VWC2L: variants seen among roughly 807,000 people sequenced by gnomAD.
VWC2L encodes the protein von Willebrand factor C domain-containing protein 2-like.
In VWC2L, 10 loss-of-function variants were observed where a neutral mutation model predicts 21.6. The observed-to-expected ratio is 0.46, with a 90% CI of 0.29 to 0.78. The LOEUF is 0.78. VWC2L is among the 30% of genes least tolerant of loss of function. The pLI, the probability that VWC2L is intolerant of heterozygous loss-of-function variation, is 0.10. For missense variants in VWC2L, 209 were observed against 277.1 expected, an observed-to-expected ratio of 0.75 and a Z score of 1.74; for synonymous variants, 96 against 94.3, an observed-to-expected ratio of 1.02 and a Z score of -0.10.
intron 3 of VWC2L, among the ~76,000 whole-genome samples, chr2:214,443,338 C>A (rs1702789787): frequency 1.3e-5 from 2 of 151,894 alleles, no homozygotes; most frequent in Admixed American, 1.3e-4. Flanking sequence ...CGCCCTTGCA[C>A]TACAGCCTGA....
chr2:214,458,136 G>A (rs190828408), intron 3 of VWC2L, among the ~76,000 whole-genome samples: 7 of 152,114 alleles, frequency 4.6e-5, no homozygotes, highest in African/African-American at 1.4e-4. Context: ...CTCATCATTG[G>A]TCTATTCAGG....
intron 3 of VWC2L, among the ~76,000 whole-genome samples, chr2:214,470,117 T>TATGA (rs72091245): frequency 0.057 from 8,703 of 152,164 alleles, 776 homozygotes; most frequent in African/African-American, 0.2. Context: ...TAGACACAGG[T>TATGA]ATGAACCCAT....
intron 3 of VWC2L, among the ~76,000 whole-genome samples, chr2:214,511,821 A>G (rs1453792838): frequency 7.9e-6 from 1 of 126,588 alleles, no homozygotes; most frequent in Non-Finnish European, 1.9e-5. Flanking sequence ...TAGTTACACA[A>G]CACACTATAT....
At position 214,576,819 on chromosome 2, in the gene VWC2L, T is replaced by C. The variant is rs1190424118; in HGVS notation, c.*999T>C. 3 of 151,774 alleles carry C rather than the reference T, an allele frequency of 2.0e-5. No individual in the cohort carries two copies. The highest frequency in any genetic ancestry group is 4.4e-5 in the Non-Finnish European group (3 of 68,032). The allele number at this position is 151,774 out of a possible 1,614,324, so 9.4% of individuals were successfully genotyped here. A position where few individuals can be genotyped will look rare whatever the true frequency, so the allele number is the denominator to read the frequency against. ...TGGCAGTTTTTGTGGTTCGGGACTG[T>C]GTTTGCCATGTTGTAGTAACAACCA... On this transcript the variant is annotated 3_prime_UTR_variant, in exon 4 of 4. Transcript: ENST00000312504.
At position 214,577,673 on chromosome 2, in the gene VWC2L, T is replaced by A. The variant is rs528218405; in HGVS notation, c.*1853T>A. 1.3e-5 allele frequency: 2 copies of A among 152,292 alleles called. No homozygotes were observed. The highest frequency in any genetic ancestry group is 4.1e-4 in the South Asian group (2 of 4,830). The allele number at this position is 152,292 out of a possible 1,614,324, so 9.4% of individuals were successfully genotyped here. A position where few individuals can be genotyped will look rare whatever the true frequency, so the allele number is the denominator to read the frequency against. On this transcript the variant is annotated 3_prime_UTR_variant, in exon 4 of 4. Transcript: ENST00000312504. ...ATAGAGAGTGAGGCTTCTAATGCTA[T>A]AGGCCCACCCTCAGGAAACATATTT...
At chr2:214,475,897 T>C (rs1559302026) in intron 3 of VWC2L, among the ~76,000 whole-genome samples, 1 of 152,210 alleles carries the variant, frequency 6.6e-6, no homozygotes. Context: ...CACATTGATA[T>C]TGTCAAAGCC....
intron 3 of VWC2L, among the ~76,000 whole-genome samples, chr2:214,509,979 T>C (rs1024060775): frequency 1.3e-5 from 2 of 152,242 alleles, no homozygotes; most frequent in Non-Finnish European, 2.9e-5. Flanking sequence ...CTAAATATAC[T>C]TTATCATTTA....
intron 3 of VWC2L, among the ~76,000 whole-genome samples, chr2:214,463,735 A>T (rs760735486): frequency 2.6e-5 from 4 of 152,190 alleles, no homozygotes; most frequent in Non-Finnish European, 5.9e-5. Flanking sequence ...TGAAGTTTAC[A>T]GTATACATCT....
chr2:214,412,981 CCT>C (rs1435463860), intron 1 of VWC2L, among the ~76,000 whole-genome samples: 4 of 152,030 alleles, frequency 2.6e-5, no homozygotes, highest in African/African-American at 7.2e-5. Context: ...CTCCCCAGAG[CCT>C]CTGTGTGATT....
At chr2:214,475,096 C>T (rs1202824513) in intron 3 of VWC2L, among the ~76,000 whole-genome samples, 3 of 152,176 alleles carry the variant, frequency 2.0e-5, no homozygotes, top group East Asian at 3.9e-4. Flanking sequence ...ACTTTCCTGA[C>T]CTCCAGAGCC....
chr2:214,435,043 T>C (rs757144045), intron 2 of VWC2L, among the ~76,000 whole-genome samples: 4 of 152,178 alleles, frequency 2.6e-5, no homozygotes. Context: ...TATTTGTAAT[T>C]AACCAAGGAA....
At chr2:214,489,072 T>C (rs73989018) in intron 3 of VWC2L, among the ~76,000 whole-genome samples, 5,030 of 152,180 alleles carry the variant, frequency 0.033, 266 homozygotes, top group African/African-American at 0.12. Flanking sequence ...AGCAGCAGAG[T>C]TGGAGTCTTG....
chr2:214,515,456 A>G (rs991510503), intron 3 of VWC2L, among the ~76,000 whole-genome samples: 1 of 152,222 alleles, frequency 6.6e-6, no homozygotes, highest in Admixed American at 6.5e-5. Flanking sequence ...TACTCTCAAG[A>G]GCCTTAAAGG....
chr2:214,449,654 C>A (rs192777937), intron 3 of VWC2L, among the ~76,000 whole-genome samples: 3 of 152,302 alleles, frequency 2.0e-5, no homozygotes, highest in African/African-American at 7.2e-5. Flanking sequence ...TTAAATGTAG[C>A]TCTGAGCTGC....
chr2:214,466,553 G>T (rs562963195), intron 3 of VWC2L, among the ~76,000 whole-genome samples: 1 of 152,226 alleles, frequency 6.6e-6, no homozygotes, highest in South Asian at 2.1e-4. Flanking sequence ...TTTTTAAAAA[G>T]GTTGTCTACT....
intron 3 of VWC2L, among the ~76,000 whole-genome samples, chr2:214,471,416 T>C (rs1176984962): frequency 6.6e-6 from 1 of 152,186 alleles, no homozygotes. Flanking sequence ...AATGAGTAGG[T>C]TGAATGAGAT....
intron 3 of VWC2L, among the ~76,000 whole-genome samples, chr2:214,519,683 C>T (rs918114904): frequency 3.3e-5 from 5 of 152,124 alleles, no homozygotes; most frequent in Non-Finnish European, 5.9e-5. Context: ...TCGCTTCCTC[C>T]GTAGAGATGC....
chr2:214,488,251 T>C (rs1023850472), intron 3 of VWC2L, among the ~76,000 whole-genome samples: 1 of 152,212 alleles, frequency 6.6e-6, no homozygotes, highest in Admixed American at 6.5e-5. Flanking sequence ...AATTTATGTC[T>C]CTCATTTATA....
intron 3 of VWC2L, among the ~76,000 whole-genome samples, chr2:214,523,290 T>C (rs1689273848): frequency 6.6e-6 from 1 of 152,230 alleles, no homozygotes; most frequent in South Asian, 2.1e-4. Context: ...TGTCTTGTTT[T>C]CCAAGAGCCA....
Sources: allele counts gnomAD v4.1 joint callset (sites outside exome capture counted in the v4.1 genomes callset), GRCh38; gene constraint gnomAD v4.1.1; transcripts MANE v1.5; gene names NCBI Gene and HGNC (gene_info 2026-07-23, HGNC 2026-07-21).